The following BABAM2 variants were observed in gnomAD, a reference collection of about 807,000 sequenced individuals.
BABAM2 encodes the protein BRISC and BRCA1-A complex member 2.
Under a neutral mutation model 54.7 loss-of-function variants are expected in BABAM2, and 31 were observed. The observed-to-expected ratio is 0.57, with a 90% confidence interval of 0.43 to 0.77. The LOEUF is 0.77. BABAM2 is among the 30% of genes least tolerant of loss of function. The pLI, the probability that BABAM2 is intolerant of heterozygous loss-of-function variation, is 0.00. For synonymous variants in BABAM2, 167 were observed against 162.9 expected (o/e 1.03, Z -0.19); for missense variants, 364 against 455.8 (o/e 0.80, Z 1.83).
intron 6 of BABAM2, among the ~76,000 whole-genome samples, chr2:28,050,410 G>A (rs1231967561): frequency 6.6e-6 from 1 of 152,100 alleles, no homozygotes; most frequent in East Asian, 1.9e-4. Flanking sequence ...GGTATTCAGG[G>A]AGATCTTACT....
intron 10 of BABAM2, among the ~76,000 whole-genome samples, chr2:28,275,096 G>C (rs1005939926): frequency 3.3e-5 from 5 of 152,182 alleles, no homozygotes; most frequent in Admixed American, 2.6e-4. Context: ...CAGGAAGTAG[G>C]CTTTGCAGTC....
At chr2:28,219,113 C>T (rs1244629436) in intron 7 of BABAM2, among the ~76,000 whole-genome samples, 5 of 152,340 alleles carry the variant, frequency 3.3e-5, no homozygotes, top group Middle Eastern at 3.4e-3. Context: ...AGAGCTCCTG[C>T]GGCTACAGTC....
intron 6 of BABAM2, among the ~76,000 whole-genome samples, chr2:28,107,964 G>A (rs1667673742): frequency 6.6e-6 from 1 of 152,200 alleles, no homozygotes; most frequent in Non-Finnish European, 1.5e-5. Context: ...AACATCCATT[G>A]CCCATGCTGC....
At chr2:27,890,417 C>G, upstream of BABAM2, 9 of 1,434,620 alleles carry the variant, frequency 6.3e-6, no homozygotes, top group Non-Finnish European at 8.6e-6. This position sits in a 1 kb window ranked among gnomAD's most constrained non-coding sequence, Gnocchi z 4.8. Flanking sequence ...CCAGAGACGC[C>G]ACTCCTGCCC....
intron 3 of BABAM2, among the ~76,000 whole-genome samples, chr2:27,953,301 G>A (rs1669870918): frequency 6.6e-6 from 1 of 152,000 alleles, no homozygotes; most frequent in South Asian, 2.1e-4. Flanking sequence ...CCTACCCCAG[G>A]CTCCCAAGTA....
chr2:28,174,863 C>T (rs1340218103), intron 7 of BABAM2, among the ~76,000 whole-genome samples: 6 of 152,136 alleles, frequency 3.9e-5, no homozygotes, highest in African/African-American at 1.4e-4. Context: ...ATCTCTCAAG[C>T]CCCACTGATA....
intron 7 of BABAM2, among the ~76,000 whole-genome samples, chr2:28,151,579 AAAAAG>A (rs538975937): frequency 2.7e-4 from 41 of 152,166 alleles, no homozygotes; most frequent in African/African-American, 5.6e-4. Context: ...CCATCTCAAA[AAAAAG>A]AAAAGAAAAG....
chr2:28,054,935 A>G (rs1031582499), intron 6 of BABAM2, among the ~76,000 whole-genome samples: 2 of 152,218 alleles, frequency 1.3e-5, no homozygotes, highest in Non-Finnish European at 2.9e-5. Context: ...TCATTAAGTC[A>G]TTTAATTTGT....
chr2:28,319,407 G>C (rs543040902), intron 11 of BABAM2, among the ~76,000 whole-genome samples: 4 of 152,362 alleles, frequency 2.6e-5, no homozygotes, highest in Admixed American at 6.5e-5. Context: ...TTCAGCCCCC[G>C]TTTGCTCTCT....
At chr2:28,132,337 A>C in intron 7 of BABAM2, among the ~76,000 whole-genome samples, 1 of 151,818 alleles carries the variant, frequency 6.6e-6, no homozygotes. Flanking sequence ...ACGGGGTTTC[A>C]CCATGTTAGC....
intron 4 of BABAM2, among the ~76,000 whole-genome samples, chr2:28,017,186 A>G (rs796822649): frequency 1.2e-4 from 18 of 152,372 alleles, no homozygotes; most frequent in African/African-American, 4.1e-4. Flanking sequence ...AATTATACAT[A>G]CTTAACAAAA....
chr2:28,079,942 T>C (rs1481350291), intron 6 of BABAM2, among the ~76,000 whole-genome samples: 1 of 152,154 alleles, frequency 6.6e-6, no homozygotes, highest in Admixed American at 6.5e-5. Context: ...ACCTAAAAAA[T>C]AAATTACAAA....
At chr2:27,895,515 G>A (rs1455259412) in intron 2 of BABAM2, among the ~76,000 whole-genome samples, 2 of 152,116 alleles carry the variant, frequency 1.3e-5, no homozygotes, top group East Asian at 1.9e-4. Flanking sequence ...CATCCTCAAT[G>A]CATCAGATCA....
chr2:28,208,029 CTGTGTGTGTG>C (rs4043353), intron 7 of BABAM2, among the ~76,000 whole-genome samples: 3,073 of 149,802 alleles, frequency 0.021, 91 homozygotes, highest in African/African-American at 0.07. Context: ...GTGTTAAAGG[CTGTGTGTGTG>C]TGTGTGTGTG....
intron 11 of BABAM2, chr2:28,310,244 A>G: frequency 7.7e-7 from 1 of 1,290,384 alleles, no homozygotes. Context: ...AATTACTGCC[A>G]ATACAGCCCT....
At chr2:28,074,926 G>C (rs1300794046) in intron 6 of BABAM2, among the ~76,000 whole-genome samples, 4 of 152,104 alleles carry the variant, frequency 2.6e-5, no homozygotes, top group African/African-American at 9.7e-5. Context: ...ATTTATTAAA[G>C]AAGTTCATTC....
chr2:28,258,876 A>G (rs900759171), intron 10 of BABAM2, among the ~76,000 whole-genome samples: 1 of 151,648 alleles, frequency 6.6e-6, no homozygotes, highest in African/African-American at 2.4e-5. Context: ...TCCCAGGTTC[A>G]AGCAGTTCTC....
At chr2:27,903,357 A>G (rs1054401914) in intron 2 of BABAM2, among the ~76,000 whole-genome samples, 3 of 152,230 alleles carry the variant, frequency 2.0e-5, no homozygotes, top group African/African-American at 4.8e-5. Flanking sequence ...CCTGTGTTCT[A>G]CATACGTTTT....
chr2:27,929,189 C>A (rs1219299213), intron 2 of BABAM2, among the ~76,000 whole-genome samples: 1 of 152,104 alleles, frequency 6.6e-6, no homozygotes, highest in African/African-American at 2.4e-5. Flanking sequence ...GCACTCCAGC[C>A]TGGGCTACAG....
Sources: allele counts gnomAD v4.1 joint callset (sites outside exome capture counted in the v4.1 genomes callset), GRCh38; gene constraint gnomAD v4.1.1; non-coding constraint Gnocchi (gnomAD v3.1); transcripts MANE v1.5; gene names NCBI Gene and HGNC (gene_info 2026-07-23, HGNC 2026-07-21).